The following TIPIN variants were observed in gnomAD, a reference collection of about 807,000 sequenced individuals.
TIPIN encodes the protein TIMELESS interacting protein.
TIPIN carries 29 observed loss-of-function variants against 35.6 expected under a neutral mutation model. The observed-to-expected ratio is 0.82, with a 90% confidence interval of 0.61 to 1.11. TIPIN has a LOEUF of 1.11. Among genes scored for constraint, TIPIN ranks in the 50% most tolerant of loss-of-function variants. The pLI is 0.00. For missense variants in TIPIN, 296 were observed against 345.4 expected, an observed-to-expected ratio of 0.86 and a Z score of 1.13; for synonymous variants, 102 against 121.5, an observed-to-expected ratio of 0.84 and a Z score of 1.06.
Position 66,351,321 on chromosome 15 carries a change from A to C in TIPIN, c.288+204T>G, listed in dbSNP as rs543405571. On this transcript the variant is annotated intron_variant, in intron 4 of 7. Coordinates refer to ENST00000261881, the MANE Select transcript of TIPIN (RefSeq NM_017858.3). Reference sequence around the variant, plus strand: ...TGTGATTTTCCTATAGCCAAGGTTTAAGCAGCAAAAAATGAGACTGCACAA... The same window carrying C: ...TGTGATTTTCCTATAGCCAAGGTTTCAGCAGCAAAAAATGAGACTGCACAA... 2.6e-5 allele frequency among the ~76,000 whole-genome samples: 4 copies of C among 152,332 alleles called. No homozygotes were observed. The East Asian group carries it at 7.7e-4, about 29-fold the overall frequency.
intron 7 of TIPIN, 147 bp from the exon 8 acceptor site, chr15:66,337,328 CT>C (rs375392324): frequency 0.087 from 34,564 of 398,858 alleles, 9 homozygotes; most frequent in South Asian, 0.13. Context: ...CTAAATATAT[CT>C]TTTTTTTTTT....
At chr15:66,383,281 T>C (rs55638758) in intron 1 of TIPIN, among the ~76,000 whole-genome samples, 1,885 of 152,138 alleles carry the variant, frequency 0.012, 18 homozygotes, top group Admixed American at 0.02. Context: ...TTTTTTTTTT[T>C]TGAGATAGTC....
intron 1 of TIPIN, among the ~76,000 whole-genome samples, chr15:66,376,218 C>A (rs1442752016): frequency 6.6e-6 from 1 of 152,074 alleles, no homozygotes; most frequent in Non-Finnish European, 1.5e-5. Flanking sequence ...TCTTTCTATA[C>A]CAGCATAAAT....
At chr15:66,362,742 A>T (rs1349255791) in intron 1 of TIPIN, among the ~76,000 whole-genome samples, 1 of 152,158 alleles carries the variant, frequency 6.6e-6, no homozygotes, top group Non-Finnish European at 1.5e-5. Flanking sequence ...AGTAAATAAA[A>T]ATAAAAAGAA....
intron 1 of TIPIN, chr15:66,379,790 A>G (rs2093311370): frequency 3.7e-6 from 6 of 1,601,306 alleles, no homozygotes; most frequent in Non-Finnish European, 3.4e-6. Context: ...TGAGTTCTAC[A>G]TTGATGTGAT....
intron 7 of TIPIN, among the ~76,000 whole-genome samples, chr15:66,340,706 C>G (rs941924878): frequency 6.6e-6 from 1 of 152,034 alleles, no homozygotes; most frequent in African/African-American, 2.4e-5. Flanking sequence ...AGGTGATTCT[C>G]GTACCTCAGC....
At chr15:66,355,991 C>A (rs886157453) in intron 1 of TIPIN, among the ~76,000 whole-genome samples, 7 of 152,144 alleles carry the variant, frequency 4.6e-5, no homozygotes, top group Non-Finnish European at 7.3e-5. Flanking sequence ...GACTTTTACT[C>A]CTCGTCAATG....
chr15:66,338,290 A>G (rs942395960), intron 7 of TIPIN, among the ~76,000 whole-genome samples: 1 of 152,130 alleles, frequency 6.6e-6, no homozygotes, highest in African/African-American at 2.4e-5. Context: ...AAAGAGGTCT[A>G]ATAAAAACCA....
intron 1 of TIPIN, among the ~76,000 whole-genome samples, chr15:66,380,652 T>TA (rs772892379): frequency 7.9e-5 from 12 of 151,948 alleles, no homozygotes; most frequent in Admixed American, 4.6e-4. Context: ...CCATCTGTAC[T>TA]AAAAATACAA....
intron 6 of TIPIN, among the ~76,000 whole-genome samples, chr15:66,348,654 A>G (rs1412232058): frequency 7.0e-6 from 1 of 141,866 alleles, no homozygotes; most frequent in Non-Finnish European, 1.5e-5. Flanking sequence ...AGATCATGCC[A>G]CTGCACTCCA....
upstream of TIPIN, among the ~76,000 whole-genome samples, chr15:66,357,595 CAAAAAAAAAA>C (rs574898699): frequency 1.6e-3 from 99 of 63,430 alleles, 14 homozygotes; most frequent in South Asian, 1.1e-3. Flanking sequence ...GATCTTGTCG[CAAAAAAAAAA>C]AAAAAAAAAA....
chr15:66,348,757 C>A (rs1192575312), intron 6 of TIPIN, among the ~76,000 whole-genome samples: 1 of 151,402 alleles, frequency 6.6e-6, no homozygotes, highest in East Asian at 1.9e-4. Context: ...GCAGCCAAGG[C>A]AACGCAGGGA....
intron 7 of TIPIN, among the ~76,000 whole-genome samples, chr15:66,339,144 AAAAAAAAAAAAAAG>A (rs1220466385): frequency 3.6e-5 from 2 of 54,862 alleles, no homozygotes; most frequent in African/African-American, 2.1e-4. Context: ...AAAAAAAAAA[AAAAAAAAAAAAAAG>A]CAAAAAGAAA....
chr15:66,341,165 GACTATT>G lies in TIPIN; in HGVS notation c.661_666del (p.Asn221_Ser222del). Reference sequence around the variant, plus strand: ...TAAAATTTACCATTTCCTAGGGTCTGACTATTACTCAGCAGCTTTGCCTGCCTTCTT... The same window carrying G: ...TAAAATTTACCATTTCCTAGGGTCTGACTCAGCAGCTTTGCCTGCCTTCTT... On this transcript the variant is annotated inframe_deletion, in exon 7 of 8. Transcript: ENST00000261881. The G allele has an allele frequency of 6.2e-7, 1 of 1,611,690 alleles. No individual in the cohort carries two copies. The highest frequency in any genetic ancestry group is 1.3e-5 in the African/African-American group (1 of 74,972).
At chr15:66,375,515 A>G (rs2093293401) in intron 1 of TIPIN, among the ~76,000 whole-genome samples, 2 of 146,166 alleles carry the variant, frequency 1.4e-5, no homozygotes, top group Non-Finnish European at 3.0e-5. Context: ...ATATATATAT[A>G]TATATATATA....
chr15:66,377,233 C>T (rs1363458439), intron 1 of TIPIN, among the ~76,000 whole-genome samples: 2 of 151,902 alleles, frequency 1.3e-5, no homozygotes, highest in Admixed American at 6.6e-5. Context: ...ATTTGCATTT[C>T]TCTAAGCGAG....
At chr15:66,376,039 A>T (rs962945139) in intron 1 of TIPIN, among the ~76,000 whole-genome samples, 1 of 152,158 alleles carries the variant, frequency 6.6e-6, no homozygotes, top group African/African-American at 2.4e-5. Context: ...GTTCAAGGTT[A>T]AAGTGATCTA....
At chr15:66,384,960 A>G (rs1276450757) in intron 1 of TIPIN, among the ~76,000 whole-genome samples, 1 of 152,166 alleles carries the variant, frequency 6.6e-6, no homozygotes, top group East Asian at 1.9e-4. Context: ...AAAACAAAAC[A>G]AAACAATGAG....
intron 1 of TIPIN, chr15:66,382,819 A>T: frequency 2.2e-6 from 1 of 459,106 alleles, no homozygotes; most frequent in Non-Finnish European, 2.9e-6. Context: ...TATATATGTT[A>T]CAGTGTTTAT....
Sources: gnomAD v4.1 joint callset for allele counts (sites outside exome capture counted in the v4.1 genomes callset) on GRCh38, gnomAD v4.1.1 for gene constraint, MANE v1.5 for transcripts, NCBI Gene and HGNC (gene_info 2026-07-23, HGNC 2026-07-21) for gene names.